The following KIAA0825 variants were observed in gnomAD, a reference collection of about 807,000 sequenced individuals.
The protein encoded by KIAA0825 is KIAA0825.
In KIAA0825, 119 loss-of-function variants were observed where a neutral mutation model predicts 147.6. The ratio of observed to expected loss-of-function variants is 0.81; its 90% CI spans 0.69 to 0.94. The LOEUF (loss-of-function observed/expected upper bound fraction) is 0.94. Among genes scored for constraint, KIAA0825 ranks in the 40% least tolerant of loss-of-function variants. KIAA0825 has a pLI of 0.00. For missense variants in KIAA0825, 1,381 were observed against 1,472.7 expected, an observed-to-expected ratio of 0.94 and a Z score of 1.02; for synonymous variants, 470 against 518.1, an observed-to-expected ratio of 0.91 and a Z score of 1.26.
At chr5:94,437,550 AAAC>A (rs1193768295) in intron 14 of KIAA0825, among the ~76,000 whole-genome samples, 2 of 152,182 alleles carry the variant, frequency 1.3e-5, no homozygotes, top group African/African-American at 4.8e-5. Flanking sequence ...AGTTTCTTTA[AAAC>A]AACATCATGT....
intron 2 of KIAA0825, among the ~76,000 whole-genome samples, chr5:94,545,851 A>C (rs1584847150): frequency 1.3e-5 from 2 of 152,208 alleles, no homozygotes; most frequent in African/African-American, 4.8e-5. Context: ...AAAGGGACTT[A>C]GTCTTGCTCT....
intron 14 of KIAA0825, among the ~76,000 whole-genome samples, chr5:94,435,610 C>A (rs915665024): frequency 1.4e-4 from 21 of 152,108 alleles, no homozygotes; most frequent in Admixed American, 5.2e-4. Flanking sequence ...TATAATAGAA[C>A]AATTTATATT....
chr5:94,296,404 G>A (rs1462635201), intron 20 of KIAA0825, among the ~76,000 whole-genome samples: 1 of 152,116 alleles, frequency 6.6e-6, no homozygotes, highest in South Asian at 2.1e-4. Context: ...CTTTCCAAGA[G>A]AGTGAACCAT....
intron 20 of KIAA0825, among the ~76,000 whole-genome samples, chr5:94,169,565 G>GA (rs57781961): frequency 0.14 from 11,807 of 86,552 alleles, 705 homozygotes; most frequent in Middle Eastern, 0.29. Context: ...CTGGGTGACA[G>GA]AAAAAAAAAA....
intron 20 of KIAA0825, among the ~76,000 whole-genome samples, chr5:94,339,454 A>C (rs1782136919): frequency 6.6e-6 from 1 of 152,210 alleles, no homozygotes; most frequent in South Asian, 2.1e-4. Flanking sequence ...TTTAAAAATC[A>C]AAGTAGAAAA....
intron 14 of KIAA0825, among the ~76,000 whole-genome samples, chr5:94,432,373 T>C (rs529544458): frequency 3.2e-4 from 49 of 152,286 alleles, no homozygotes; most frequent in African/African-American, 1.1e-3. Context: ...AGCCTTATTT[T>C]ACATAATCCA....
intron 20 of KIAA0825, among the ~76,000 whole-genome samples, chr5:94,341,290 G>C (rs1158021613): frequency 1.3e-5 from 2 of 152,140 alleles, no homozygotes; most frequent in Non-Finnish European, 2.9e-5. Context: ...ATAAGAACTT[G>C]CTAAAATCCT....
At chr5:94,575,050 A>G (rs1320192734) in intron 2 of KIAA0825, among the ~76,000 whole-genome samples, 1 of 152,248 alleles carries the variant, frequency 6.6e-6, no homozygotes. Flanking sequence ...TTGGAGAACC[A>G]GAGCAGAAAA....
intron 20 of KIAA0825, among the ~76,000 whole-genome samples, chr5:94,303,071 A>T (rs1778505903): frequency 6.6e-6 from 1 of 151,988 alleles, no homozygotes; most frequent in African/African-American, 2.4e-5. Flanking sequence ...GCATATACAC[A>T]TATTTGCTAT....
chr5:94,210,140 C>T (rs1378292582), intron 20 of KIAA0825, among the ~76,000 whole-genome samples: 3 of 152,156 alleles, frequency 2.0e-5, no homozygotes, highest in Admixed American at 6.5e-5. Flanking sequence ...TATGACCGAA[C>T]GCACTGCTCC....
intron 20 of KIAA0825, among the ~76,000 whole-genome samples, chr5:94,357,951 G>T (rs1261147025): frequency 1.3e-5 from 2 of 150,394 alleles, no homozygotes; most frequent in African/African-American, 4.9e-5. Context: ...ACATTTCGTA[G>T]TATCAACTTT....
intron 13 of KIAA0825, among the ~76,000 whole-genome samples, chr5:94,442,665 T>C (rs181127566): frequency 1.2e-4 from 19 of 152,176 alleles, no homozygotes; most frequent in African/African-American, 1.4e-4. Context: ...TGGGGTTCAA[T>C]GGATGAAAAA....
chr5:94,533,966 T>C (rs1405440393), intron 3 of KIAA0825, among the ~76,000 whole-genome samples: 1 of 152,208 alleles, frequency 6.6e-6, no homozygotes, highest in African/African-American at 2.4e-5. Context: ...ATAGACCCTG[T>C]GGCTCATAAA....
At chr5:94,262,974 C>T (rs1202832887) in intron 20 of KIAA0825, among the ~76,000 whole-genome samples, 1 of 152,118 alleles carries the variant, frequency 6.6e-6, no homozygotes, top group African/African-American at 2.4e-5. Flanking sequence ...TGTTACTATG[C>T]TCCCTAGAAA....
intron 20 of KIAA0825, among the ~76,000 whole-genome samples, chr5:94,277,403 A>T (rs1167655072): frequency 6.6e-6 from 1 of 152,188 alleles, no homozygotes; most frequent in Non-Finnish European, 1.5e-5. Context: ...AACTTAATCA[A>T]ATTTACAAGA....
At chr5:94,599,748 A>T (rs1786016834) in intron 1 of KIAA0825, among the ~76,000 whole-genome samples, 1 of 152,208 alleles carries the variant, frequency 6.6e-6, no homozygotes. Flanking sequence ...AATATATGCA[A>T]ATCATGTATC....
At chr5:94,570,532 C>T (rs1779767887) in intron 2 of KIAA0825, 1 of 152,314 alleles carries the variant, frequency 6.6e-6, no homozygotes, top group African/African-American at 2.4e-5. Flanking sequence ...TAGCCACAGA[C>T]CTTCTTACCC....
chr5:94,441,805 A>G (rs796178112), intron 13 of KIAA0825, among the ~76,000 whole-genome samples: 10 of 152,314 alleles, frequency 6.6e-5, no homozygotes, highest in African/African-American at 2.4e-4. Flanking sequence ...CTAAGATACC[A>G]TCCATGCAAT....
rs1295660726 is a variant in KIAA0825 at position 94,432,517 on chromosome 5, A to G, written c.2497+7465T>C. Among the ~76,000 whole-genome samples the G allele has an allele frequency of 1.3e-4, 20 of 152,120 alleles. 1 individual carries two copies. Among genetic ancestry groups the G allele is most frequent in the Admixed American group, 1.3e-3 (20 of 15,270 alleles). ...GATACCTCTAAACTAGTTCATCAGC[A>G]TTCTTGGATAGGATCTTTGGATAGG... On this transcript the variant is annotated intron_variant, in intron 14 of 20. Coordinates refer to ENST00000682413, the MANE Select transcript of KIAA0825 (RefSeq NM_001145678.3).
Sources: allele counts gnomAD v4.1 joint callset (sites outside exome capture counted in the v4.1 genomes callset), GRCh38; gene constraint gnomAD v4.1.1; transcripts MANE v1.5; gene names NCBI Gene and HGNC (gene_info 2026-07-23, HGNC 2026-07-21).